PRKD1: variants seen among roughly 807,000 people sequenced by gnomAD.
PRKD1 encodes the protein protein kinase D1.
In PRKD1, 63 loss-of-function variants were observed where a neutral mutation model predicts 95.9. The ratio of observed to expected loss-of-function variants is 0.66; its 90% CI spans 0.54 to 0.81. The LOEUF (loss-of-function observed/expected upper bound fraction) is 0.81. PRKD1 is among the 30% of genes least tolerant of loss of function. The pLI, the probability that PRKD1 is intolerant of heterozygous loss-of-function variation, is 0.00. For synonymous variants in PRKD1, 425 were observed against 423.1 expected (o/e 1.00, Z -0.05); for missense variants, 1,048 against 1,165.3 (o/e 0.90, Z 1.47).
At position 29,927,330 on chromosome 14, in the gene PRKD1, C is replaced by A; in HGVS notation, c.183G>T (p.Pro61=). The A allele has an allele frequency of 6.4e-7, 1 of 1,562,574 alleles. No individual in the cohort carries two copies. The highest frequency in any genetic ancestry group is 1.4e-5 in the African/African-American group (1 of 71,588). The stretch of plus-strand genomic sequence containing the variant: ...CGGACGAGTCCTGCAGCAGCAGCAC[C>A]GGCTCACGGCTCAGGCCGATCTGCA... ...FHLQIGLSRE[P]VLLLQDSSGD... The change falls in exon 1 of 18, where the codon CCG becomes CCT. Residue 61 remains proline, a synonymous_variant. Transcript: ENST00000331968.
intron 1 of PRKD1, among the ~76,000 whole-genome samples, chr14:29,910,573 A>C (rs1330146913): frequency 1.3e-5 from 2 of 152,190 alleles, no homozygotes; most frequent in Non-Finnish European, 2.9e-5. Flanking sequence ...AAAGATTATG[A>C]AAGTGTAGTA....
intron 1 of PRKD1, among the ~76,000 whole-genome samples, chr14:29,780,710 C>A (rs924172269): frequency 1.3e-5 from 2 of 152,156 alleles, no homozygotes; most frequent in African/African-American, 4.8e-5. Context: ...ACTAGTTCAA[C>A]CATCGTGGAA....
chr14:29,920,887 G>A (rs1254698178), intron 1 of PRKD1, among the ~76,000 whole-genome samples: 1 of 152,096 alleles, frequency 6.6e-6, no homozygotes, highest in Non-Finnish European at 1.5e-5. Context: ...ATCATCAGAT[G>A]GAACAATTTA....
intron 16 of PRKD1, among the ~76,000 whole-genome samples, chr14:29,592,086 AGAAT>A (rs1893149339): frequency 1.3e-5 from 2 of 152,146 alleles, no homozygotes; most frequent in Admixed American, 1.3e-4. Flanking sequence ...GAAGGGTAAC[AGAAT>A]GAATGTGTTG....
chr14:29,622,630 C>T (rs539664918), intron 13 of PRKD1, among the ~76,000 whole-genome samples: 5 of 151,966 alleles, frequency 3.3e-5, no homozygotes, highest in African/African-American at 7.2e-5. Context: ...CTCAAACTCC[C>T]GACCTCAGGT....
intron 1 of PRKD1, among the ~76,000 whole-genome samples, chr14:29,862,965 A>C (rs910440344): frequency 2.0e-5 from 3 of 152,202 alleles, no homozygotes; most frequent in Non-Finnish European, 4.4e-5. Context: ...AGTTTCCCCA[A>C]GCATTTTCTT....
At chr14:29,845,512 A>AGACAAT (rs1892045804) in intron 1 of PRKD1, among the ~76,000 whole-genome samples, 1 of 152,186 alleles carries the variant, frequency 6.6e-6, no homozygotes, top group African/African-American at 2.4e-5. Flanking sequence ...TCTAAGCATA[A>AGACAAT]GACAATGGGA....
At chr14:29,788,329 A>G (rs1273716565) in intron 1 of PRKD1, among the ~76,000 whole-genome samples, 1 of 151,960 alleles carries the variant, frequency 6.6e-6, no homozygotes, top group Non-Finnish European at 1.5e-5. Flanking sequence ...ACACTTTTCT[A>G]TTGCTGTTTT....
intron 1 of PRKD1, among the ~76,000 whole-genome samples, chr14:29,899,075 A>C (rs895514728): frequency 1.3e-5 from 2 of 152,240 alleles, no homozygotes; most frequent in Non-Finnish European, 2.9e-5. Flanking sequence ...TATCAAGATT[A>C]GCATTTGCTA....
intron 1 of PRKD1, among the ~76,000 whole-genome samples, chr14:29,871,849 T>C (rs959675001): frequency 9.2e-5 from 14 of 152,176 alleles, no homozygotes; most frequent in African/African-American, 3.4e-4. Flanking sequence ...ATAAAATGTT[T>C]GGAAATCAAG....
chr14:29,850,550 C>G (rs999886557), intron 1 of PRKD1, among the ~76,000 whole-genome samples: 8 of 151,398 alleles, frequency 5.3e-5, no homozygotes, highest in African/African-American at 1.9e-4. Flanking sequence ...AGGAGGATAA[C>G]TACAAAACAT....
At chr14:29,907,335 T>C (rs1009121904) in intron 1 of PRKD1, among the ~76,000 whole-genome samples, 2 of 152,190 alleles carry the variant, frequency 1.3e-5, no homozygotes, top group African/African-American at 4.8e-5. Flanking sequence ...GAACAATTAC[T>C]AGAAAGCAAA....
At chr14:29,749,138 T>C (rs994815066) in intron 1 of PRKD1, among the ~76,000 whole-genome samples, 1 of 152,190 alleles carries the variant, frequency 6.6e-6, no homozygotes, top group African/African-American at 2.4e-5. Context: ...GTAACCCCTC[T>C]GTAATTAAGG....
intron 2 of PRKD1, among the ~76,000 whole-genome samples, chr14:29,676,878 G>T (rs1594419221): frequency 6.6e-6 from 1 of 152,076 alleles, no homozygotes; most frequent in Non-Finnish European, 1.5e-5. Context: ...TTCCAATATG[G>T]TAGCCACTGG....
chr14:29,577,426 G>T lies in PRKD1; in HGVS notation c.2551C>A (p.Leu851Met), dbSNP rs748151127. 1 of 1,613,700 alleles carries T rather than the reference G, an allele frequency of 6.2e-7. No individual in the cohort carries two copies. Among genetic ancestry groups the T allele is most frequent in the Non-Finnish European group, 8.5e-7 (1 of 1,179,762 alleles). ...TAGCGCTCCCCGATTTTGCATTCCAGCTCTCGCAAATCTAACCAGGTCTGA... is the reference window on the plus strand; with the variant it reads ...TAGCGCTCCCCGATTTTGCATTCCATCTCTCGCAAATCTAACCAGGTCTGA... ...DYQTWLDLRE[L>M]ECKIGERYIT... is the part of the protein sequence containing the mutation. Residue 851 changes from leucine (L) to methionine (M), a missense_variant, in exon 18 of 18, where the codon CTG becomes ATG. Physicochemically the swap from Leu to Met is conservative, Grantham distance 15 (BLOSUM62 2). Transcript: ENST00000331968.
At chr14:29,641,830 C>G (rs996640010) in intron 4 of PRKD1, among the ~76,000 whole-genome samples, 5 of 150,626 alleles carry the variant, frequency 3.3e-5, no homozygotes, top group Admixed American at 2.0e-4. Flanking sequence ...CTATATTTAT[C>G]AATATTTACC....
intron 1 of PRKD1, among the ~76,000 whole-genome samples, chr14:29,851,287 AT>A (rs1256418095): frequency 1.3e-5 from 2 of 152,128 alleles, no homozygotes; most frequent in African/African-American, 4.8e-5. Context: ...TAGTAAACAG[AT>A]AACCTACAGA....
At chr14:29,876,052 A>G (rs561058841) in intron 1 of PRKD1, among the ~76,000 whole-genome samples, 1 of 152,342 alleles carries the variant, frequency 6.6e-6, no homozygotes, top group Admixed American at 6.5e-5. Flanking sequence ...TTACAGGAGA[A>G]GAACCCTATC....
chr14:29,778,372 AAAAT>A (rs1888873305), intron 1 of PRKD1, among the ~76,000 whole-genome samples: 2 of 152,310 alleles, frequency 1.3e-5, no homozygotes, highest in Middle Eastern at 3.4e-3. Flanking sequence ...AAGATCAAAA[AAAAT>A]TGATAGACCA....
Sources: allele counts gnomAD v4.1 joint callset (sites outside exome capture counted in the v4.1 genomes callset), GRCh38; gene constraint gnomAD v4.1.1; transcripts MANE v1.5; gene names NCBI Gene and HGNC (gene_info 2026-07-23, HGNC 2026-07-21).